Variants in VCP observed in about 807,000 individuals in gnomAD.
VCP encodes the protein valosin containing protein, also known as transitional endoplasmic reticulum ATPase.
VCP carries 6 observed loss-of-function variants against 85.7 expected under a neutral mutation model. The observed-to-expected ratio is 0.07, with a 90% CI of 0.04 to 0.14. The LOEUF is 0.14. Among genes scored for constraint, VCP ranks in the 10% least tolerant of loss-of-function variants. The pLI is 1.00. For synonymous variants in VCP, 384 were observed against 367.1 expected, an observed-to-expected ratio of 1.05 and a Z score of -0.53; for missense variants, 353 against 1,043.4, an observed-to-expected ratio of 0.34 and a Z score of 9.12.
At position 35,072,496 on chromosome 9, in the gene VCP, C is replaced by G. The variant is rs954766519; in HGVS notation, c.-143G>C. 9.2e-7 allele frequency: 1 copy of G among 1,089,434 alleles called. No homozygotes were observed. The highest frequency in any genetic ancestry group is 2.1e-5 in the South Asian group (1 of 47,756). 67.5% of individuals were successfully genotyped at this position (1,089,434 alleles called of 1,614,324 possible). A position where few individuals can be genotyped will look rare whatever the true frequency, so the allele number is the denominator to read the frequency against. On this transcript the variant is annotated 5_prime_UTR_variant, in exon 1 of 17. Coordinates refer to ENST00000358901, the MANE Select transcript of VCP (RefSeq NM_007126.5). Reference sequence around the variant, plus strand: ...ACAAACCCGCAAGCGGCTTCCCTCTCGCTTCCTCCCACCGGCAGCGAGGCG... The same window carrying G: ...ACAAACCCGCAAGCGGCTTCCCTCTGGCTTCCTCCCACCGGCAGCGAGGCG...
Position 35,059,962 on chromosome 9 carries a change from G to C in VCP, c.1696-161C>G, listed in dbSNP as rs570264627. ...AGCATGGGCAACATACTGAGACTTTGTCTCTACAAAAAATAAAAAATTAGC... is the reference window on the plus strand; with the variant it reads ...AGCATGGGCAACATACTGAGACTTTCTCTCTACAAAAAATAAAAAATTAGC... On this transcript the variant is annotated intron_variant, in intron 13 of 16. Transcript: ENST00000358901. This position sits in a 1 kb window ranked among gnomAD's most constrained non-coding sequence, Gnocchi z 4.9. 3 of 890,674 alleles carry C rather than the reference G, an allele frequency of 3.4e-6. No homozygotes were observed. The East Asian group carries it at 7.9e-5, about 23-fold the overall frequency. 55.2% of individuals were successfully genotyped at this position (890,674 alleles called of 1,614,324 possible). A position where few individuals can be genotyped will look rare whatever the true frequency, so the allele number is the denominator to read the frequency against.
At chr9:35,071,852 G>A (rs1828953838) in intron 1 of VCP, 1 of 990,168 alleles carries the variant, frequency 1.0e-6, no homozygotes, top group South Asian at 4.4e-5. Context: ...CGGTGGCAGA[G>A]CTCCTGAGGC....
At chr9:35,072,222 C>CT (rs1828969831) in intron 1 of VCP, 115 bp downstream of exon 1, 1 of 1,458,744 alleles carries the variant, frequency 6.9e-7, no homozygotes. Context: ...TCCCTTCCCT[C>CT]TTTCCTGGTC....
At position 35,059,902 on chromosome 9, in the gene VCP, G is replaced by A. The variant is rs527728553; in HGVS notation, c.1696-101C>T. On this transcript the variant is annotated intron_variant, in intron 13 of 16. Coordinates refer to ENST00000358901, the MANE Select transcript of VCP (RefSeq NM_007126.5). The surrounding 1 kb of genome is among the most constrained non-coding windows in gnomAD (Gnocchi z 4.9). Reference sequence around the variant, plus strand: ...ATTCCCAGCACTTTGGGAGGCCAAGGTGGGAGGATCACTTGAGGCCAGAAA... The same window carrying A: ...ATTCCCAGCACTTTGGGAGGCCAAGATGGGAGGATCACTTGAGGCCAGAAA... 1.3e-6 allele frequency: 2 copies of A among 1,483,474 alleles called. No homozygotes were observed. Among genetic ancestry groups the A allele is most frequent in the African/African-American group, 1.4e-5 (1 of 72,312 alleles). 91.9% of individuals were successfully genotyped at this position (1,483,474 alleles called of 1,614,324 possible). A position where few individuals can be genotyped will look rare whatever the true frequency, so the allele number is the denominator to read the frequency against.
intron 15 of VCP, among the ~76,000 whole-genome samples, 200 bp downstream of exon 15, chr9:35,058,864 A>G (rs1178524516): frequency 1.3e-5 from 2 of 152,228 alleles, no homozygotes; most frequent in Admixed American, 1.3e-4. Context: ...CAGACTGAGA[A>G]TGGAGCCTGA....
At chr9:35,068,435 G>T in intron 1 of VCP, 73 bp from the exon 2 acceptor site, 2 of 1,320,500 alleles carry the variant, frequency 1.5e-6, no homozygotes, top group East Asian at 2.3e-5. Context: ...CTCATACTTA[G>T]GAAAGAAACA....
chr9:35,070,337 G>A (rs1056526185), intron 1 of VCP, among the ~76,000 whole-genome samples: 2 of 152,150 alleles, frequency 1.3e-5, no homozygotes, highest in African/African-American at 4.8e-5. Flanking sequence ...TCCCACTCCT[G>A]TCCCATCAAA....
At chr9:35,059,000 C>T (rs1018247557) in intron 15 of VCP, 64 bp downstream of exon 15, 1 of 1,605,420 alleles carries the variant, frequency 6.2e-7, no homozygotes, top group Non-Finnish European at 8.5e-7. Flanking sequence ...AACTCCAGGG[C>T]ATGGTGGTGG....
chr9:35,068,503 G>A (rs1828877629), intron 1 of VCP, 141 bp from the exon 2 acceptor site: 1 of 787,182 alleles, frequency 1.3e-6, no homozygotes, highest in South Asian at 1.4e-5. Context: ...AGGCAGCCAA[G>A]GTCACGAGGA....
rs772756435 is a variant in VCP at position 35,060,928 on chromosome 9, A to C, written c.1360-5T>G. On this transcript the variant is annotated splice_region_variant and splice_polypyrimidine_tract_variant and intron_variant, in intron 11 of 16. Coordinates refer to ENST00000358901, the MANE Select transcript of VCP (RefSeq NM_007126.5). ...GTTACTCTGGCTCAAGGCCCACTAG[A>C]AAAGGAGGGAAAACTGGGGATGAGA... 1 of 1,614,128 alleles carries C rather than the reference A, an allele frequency of 6.2e-7. No homozygotes were observed. Among genetic ancestry groups the C allele is most frequent in the Admixed American group, 1.7e-5 (1 of 60,012 alleles).
chr9:35,062,197 C>G lies in VCP; in HGVS notation c.945+20G>C. ...TCAGGGCCTTTCAACCCCCCTCTAT[C>G]CCCTCAGGTAAGCTCCTACTTTCTC... is the stretch of plus-strand genomic sequence containing the variant. On this transcript the variant is annotated intron_variant, in intron 8 of 16. Transcript: ENST00000358901. 2 of 1,614,144 alleles carry G rather than the reference C, an allele frequency of 1.2e-6. No individual in the cohort carries two copies. The highest frequency in any genetic ancestry group is 1.3e-5 in the African/African-American group (1 of 75,028).
At chr9:35,072,164 C>T in intron 1 of VCP, 173 bp downstream of exon 1, 2 of 1,409,830 alleles carry the variant, frequency 1.4e-6, no homozygotes, top group Non-Finnish European at 1.8e-6. Flanking sequence ...GCGCAGCTGG[C>T]CCCAGCCGGG....
intron 6 of VCP, 104 bp downstream of exon 6, chr9:35,064,050 C>A: frequency 1.1e-5 from 18 of 1,575,098 alleles, no homozygotes; most frequent in Non-Finnish European, 1.6e-5. Context: ...TAATCCAAGG[C>A]AATAATGAAA....
chr9:35,060,564 C>T (rs145786843), intron 12 of VCP, 39 bp from the exon 13 acceptor site: 100 of 1,601,582 alleles, frequency 6.2e-5, no homozygotes, highest in East Asian at 4.7e-4. Flanking sequence ...GCTACCTCCA[C>T]ATTTTGAAAG....
intron 10 of VCP, 59 bp from the exon 11 acceptor site, chr9:35,061,238 C>T: frequency 6.2e-7 from 1 of 1,607,960 alleles, no homozygotes; most frequent in Non-Finnish European, 8.5e-7. Context: ...GCAGGAGGCT[C>T]AGAGACAATA....
intron 4 of VCP, among the ~76,000 whole-genome samples, chr9:35,065,642 GC>G (rs1330986849): frequency 3.3e-5 from 5 of 152,122 alleles, no homozygotes; most frequent in Non-Finnish European, 7.3e-5. Flanking sequence ...TCTGACTTCT[GC>G]CATATAGGTA....
At position 35,059,362 on chromosome 9, in the gene VCP, A is replaced by G. The variant is rs1828675905; in HGVS notation, c.2004+131T>C. ...ATTCCTGATTCTAGATTATCTTGAT[A>G]TCCTCAAAAATTCTACCTTCCCTTT... On this transcript the variant is annotated intron_variant, in intron 14 of 16. Transcript: ENST00000358901. This position sits in a 1 kb window ranked among gnomAD's most constrained non-coding sequence, Gnocchi z 4.9. 1 of 1,524,894 alleles carries G rather than the reference A, an allele frequency of 6.6e-7. No individual in the cohort carries two copies. Among genetic ancestry groups the G allele is most frequent in the Admixed American group, 1.9e-5 (1 of 51,386 alleles). 94.5% of individuals were successfully genotyped at this position (1,524,894 alleles called of 1,614,324 possible). A position where few individuals can be genotyped will look rare whatever the true frequency, so the allele number is the denominator to read the frequency against.
intron 2 of VCP, 49 bp downstream of exon 2, chr9:35,068,202 C>A (rs1828871146): frequency 6.2e-7 from 1 of 1,608,514 alleles, no homozygotes; most frequent in Non-Finnish European, 8.5e-7. Flanking sequence ...CTGGGAAAAT[C>A]CCTCAAGTAA....
intron 3 of VCP, among the ~76,000 whole-genome samples, chr9:35,067,335 T>C (rs1411414044): frequency 6.6e-6 from 1 of 152,108 alleles, no homozygotes; most frequent in Non-Finnish European, 1.5e-5. Flanking sequence ...TAGAGATGAC[T>C]CCAAGATGGG....
Sources: allele counts gnomAD v4.1 joint callset (sites outside exome capture counted in the v4.1 genomes callset), GRCh38; gene constraint gnomAD v4.1.1; non-coding constraint Gnocchi (gnomAD v3.1); transcripts MANE v1.5; gene names NCBI Gene and HGNC (gene_info 2026-07-23, HGNC 2026-07-21).